The following GHR variants were observed in gnomAD, a reference collection of about 807,000 sequenced individuals.
The protein encoded by GHR is GH receptor.
A neutral mutation model predicts 67.1 loss-of-function variants in GHR; 35 were observed. That is an observed-to-expected ratio of 0.52 (90% CI 0.40 to 0.69). The LOEUF (loss-of-function observed/expected upper bound fraction) is 0.69. GHR is among the 30% of genes least tolerant of loss of function. The probability of loss-of-function intolerance (pLI) is 0.00; values close to 1 mark genes in which losing one functional copy is unlikely to be tolerated. For synonymous variants in GHR, 272 were observed against 269.1 expected, an observed-to-expected ratio of 1.01 and a Z score of -0.10; for missense variants, 792 against 764.6, an observed-to-expected ratio of 1.04 and a Z score of -0.42.
chr5:42,596,833 CTT>C (rs1425783747), intron 2 of GHR, among the ~76,000 whole-genome samples: 1 of 152,122 alleles, frequency 6.6e-6, no homozygotes, highest in African/African-American at 2.4e-5. Flanking sequence ...AAAGATCAGT[CTT>C]GAGCAAAATA....
At chr5:42,523,057 G>T (rs1202860496) in intron 1 of GHR, among the ~76,000 whole-genome samples, 1 of 152,160 alleles carries the variant, frequency 6.6e-6, no homozygotes, top group African/African-American at 2.4e-5. Flanking sequence ...CCTAAAATGA[G>T]CAAAGAGATA....
chr5:42,522,892 C>A (rs561825280), intron 1 of GHR, among the ~76,000 whole-genome samples: 1 of 152,214 alleles, frequency 6.6e-6, no homozygotes, highest in Admixed American at 6.5e-5. Flanking sequence ...GCATCAGGAC[C>A]TATAATTTTC....
At chr5:42,674,264 G>A (rs1335730832) in intron 3 of GHR, among the ~76,000 whole-genome samples, 1 of 152,146 alleles carries the variant, frequency 6.6e-6, no homozygotes, top group Non-Finnish European at 1.5e-5. Context: ...CTGTCCAATA[G>A]AGGCTAAAAA....
At chr5:42,450,010 T>C (rs774249715) in intron 1 of GHR, among the ~76,000 whole-genome samples, 1 of 152,168 alleles carries the variant, frequency 6.6e-6, no homozygotes, top group Non-Finnish European at 1.5e-5. Context: ...TTGATCATGA[T>C]GTGTTATCTT....
At chr5:42,475,542 G>A (rs1745265560) in intron 1 of GHR, among the ~76,000 whole-genome samples, 1 of 151,508 alleles carries the variant, frequency 6.6e-6, no homozygotes, top group Admixed American at 6.6e-5. Flanking sequence ...CTTTCTAGTT[G>A]GGTGGCATTA....
intron 1 of GHR, among the ~76,000 whole-genome samples, chr5:42,430,570 GTGT>G (rs891767268): frequency 9.9e-5 from 15 of 151,642 alleles, no homozygotes; most frequent in African/African-American, 3.6e-4. Flanking sequence ...GATAATCATA[GTGT>G]TGTGCACTTA....
intron 1 of GHR, among the ~76,000 whole-genome samples, chr5:42,495,925 A>G (rs1324065237): frequency 6.6e-6 from 1 of 152,170 alleles, no homozygotes; most frequent in African/African-American, 2.4e-5. Flanking sequence ...GGATACATAG[A>G]TCCACCTTTG....
In GHR at chr5:42,650,229, A is replaced by G. The variant is rs550899928; in HGVS notation, c.136+21126A>G. Among the ~76,000 whole-genome samples, 5 of 152,234 alleles carry G rather than the reference A, an allele frequency of 3.3e-5. No homozygotes were observed. In the East Asian group the frequency reaches 9.7e-4, roughly 29 times the overall value. ...CAAAGTCACATAAGAGGGCACATAA[A>G]TTTACTGAATAGTATTACAGAAAGC... On this transcript the variant is annotated intron_variant, in intron 3 of 9. Transcript: ENST00000230882.
chr5:42,660,789 T>C (rs1486314397), intron 3 of GHR, among the ~76,000 whole-genome samples: 1 of 151,918 alleles, frequency 6.6e-6, no homozygotes, highest in Non-Finnish European at 1.5e-5. Context: ...GAGAGAAGAC[T>C]TCAGACGATC....
At chr5:42,568,382 C>T (rs1750075410) in intron 2 of GHR, among the ~76,000 whole-genome samples, 1 of 152,266 alleles carries the variant, frequency 6.6e-6, no homozygotes, top group East Asian at 1.9e-4. Context: ...TCTATATCTG[C>T]TCCTCAAAGC....
At chr5:42,480,150 T>C (rs1745550764) in intron 1 of GHR, among the ~76,000 whole-genome samples, 1 of 152,188 alleles carries the variant, frequency 6.6e-6, no homozygotes, top group South Asian at 2.1e-4. Flanking sequence ...ATGTACCCAG[T>C]AGTCATTCAG....
intron 1 of GHR, among the ~76,000 whole-genome samples, chr5:42,557,172 T>C (rs1749354678): frequency 6.6e-6 from 1 of 152,210 alleles, no homozygotes; most frequent in African/African-American, 2.4e-5. Context: ...CTATAGAAGA[T>C]GTACAATTGC....
chr5:42,651,462 A>G (rs137870141), intron 3 of GHR, among the ~76,000 whole-genome samples: 36 of 152,306 alleles, frequency 2.4e-4, no homozygotes, highest in Middle Eastern at 3.4e-3. Context: ...CAGGGGCCCT[A>G]CATGAATAGG....
chr5:42,478,135 T>C (rs1221779557), intron 1 of GHR, among the ~76,000 whole-genome samples: 1 of 152,228 alleles, frequency 6.6e-6, no homozygotes, highest in Non-Finnish European at 1.5e-5. Flanking sequence ...ATTTATTAAA[T>C]AGGGAATCCT....
rs897099298 is a variant in GHR at position 42,720,994 on chromosome 5, C to T, written c.*1570C>T. ...CTAGAGTGCGGTGGCGCGATCTTGACTCACTGCAATCTCCACCTCCCACAG... is the reference window on the plus strand; with the variant it reads ...CTAGAGTGCGGTGGCGCGATCTTGATTCACTGCAATCTCCACCTCCCACAG... On this transcript the variant is annotated 3_prime_UTR_variant, in exon 10 of 10. Coordinates refer to ENST00000230882, the MANE Select transcript of GHR (RefSeq NM_000163.5). 1 of 152,334 alleles carries T rather than the reference C, an allele frequency of 6.6e-6. No homozygotes were observed. The highest frequency in any genetic ancestry group is 1.5e-5 in the Non-Finnish European group (1 of 68,174). 9.4% of individuals were successfully genotyped at this position (152,334 alleles called of 1,614,324 possible). A position where few individuals can be genotyped will look rare whatever the true frequency, so the allele number is the denominator to read the frequency against.
chr5:42,648,995 T>C (rs1462569371), intron 3 of GHR, among the ~76,000 whole-genome samples: 1 of 152,184 alleles, frequency 6.6e-6, no homozygotes, highest in Non-Finnish European at 1.5e-5. Flanking sequence ...AAGGCACAAC[T>C]GATTTTCCTA....
chr5:42,469,674 C>T (rs2112093822), intron 1 of GHR, among the ~76,000 whole-genome samples: 1 of 152,312 alleles, frequency 6.6e-6, no homozygotes, highest in East Asian at 1.9e-4. Context: ...AGAGCAGACT[C>T]CTTAGACCCA....
chr5:42,549,314 C>T (rs931804660), intron 1 of GHR, among the ~76,000 whole-genome samples: 10 of 152,170 alleles, frequency 6.6e-5, no homozygotes, highest in African/African-American at 1.9e-4. Flanking sequence ...CTTTGAAAAC[C>T]GTGTCCATGG....
chr5:42,550,034 T>G (rs1748936326), intron 1 of GHR: 1 of 862,566 alleles, frequency 1.2e-6, no homozygotes, highest in Admixed American at 6.2e-5. Context: ...CAGGTCACCT[T>G]GTGCCCGCAC....
Sources: allele counts gnomAD v4.1 joint callset (sites outside exome capture counted in the v4.1 genomes callset), GRCh38; gene constraint gnomAD v4.1.1; transcripts MANE v1.5; gene names NCBI Gene and HGNC (gene_info 2026-07-23, HGNC 2026-07-21).